The following GPR158 variants were observed in gnomAD, a reference collection of about 807,000 sequenced individuals.
GPR158 encodes G protein-coupled receptor 158.
In GPR158, 30 loss-of-function variants were observed where a neutral mutation model predicts 78.2. That is an observed-to-expected ratio of 0.38 (90% CI 0.29 to 0.52). GPR158 has a LOEUF of 0.52. Ranked by LOEUF, GPR158 falls within the 20% of genes least tolerant of loss-of-function variation. The probability of loss-of-function intolerance (pLI) is 0.83; values close to 1 mark genes in which losing one functional copy is unlikely to be tolerated. For synonymous variants in GPR158, 581 were observed against 591.1 expected, an observed-to-expected ratio of 0.98 and a Z score of 0.25; for missense variants, 1,463 against 1,523.5, an observed-to-expected ratio of 0.96 and a Z score of 0.66.
chr10:25,230,501 G>A (rs371098645), intron 2 of GPR158, among the ~76,000 whole-genome samples: 7 of 152,152 alleles, frequency 4.6e-5, no homozygotes, highest in African/African-American at 1.7e-4. Flanking sequence ...GAGAAAATTT[G>A]TATTACGAAG....
chr10:25,208,979 G>C (rs138933373), intron 1 of GPR158, among the ~76,000 whole-genome samples: 2 of 151,560 alleles, frequency 1.3e-5, no homozygotes, highest in Non-Finnish European at 2.9e-5. Flanking sequence ...CTCCCAAGAA[G>C]CTGGGACTAC....
chr10:25,556,725 G>A (rs139497717), intron 6 of GPR158, among the ~76,000 whole-genome samples: 73 of 152,254 alleles, frequency 4.8e-4, no homozygotes, highest in African/African-American at 1.6e-3. Context: ...TCTGCTAGCC[G>A]CAGAGGTGAT....
At chr10:25,395,283 AT>A (rs1331949193) in intron 2 of GPR158, among the ~76,000 whole-genome samples, 4 of 152,168 alleles carry the variant, frequency 2.6e-5, no homozygotes, top group African/African-American at 9.6e-5. Flanking sequence ...TTATATGTAT[AT>A]GTAAAACATT....
At chr10:25,351,725 T>TA (rs1158973585) in intron 2 of GPR158, among the ~76,000 whole-genome samples, 1 of 149,106 alleles carries the variant, frequency 6.7e-6, no homozygotes, top group Non-Finnish European at 1.5e-5. Context: ...TTTTTTTTTT[T>TA]AATGTTTTTT....
At chr10:25,190,576 C>T (rs1490000884) in intron 1 of GPR158, among the ~76,000 whole-genome samples, 2 of 152,154 alleles carry the variant, frequency 1.3e-5, no homozygotes, top group Admixed American at 1.3e-4. Flanking sequence ...AGCAATCCAC[C>T]CGCATCAGCC....
rs149490480 is a variant in GPR158, at chr10:25,226,826, C to T, written c.1008+5669C>T. ...TGGCCTCCCTCTAATGCATGGCCAT[C>T]GCTTTTGACCAATTGCCTAAAATAA... On this transcript the variant is annotated intron_variant, in intron 2 of 10. Coordinates refer to ENST00000376351, the MANE Select transcript of GPR158 (RefSeq NM_020752.3). 4.2e-3 allele frequency among the ~76,000 whole-genome samples: 638 copies of T among 152,262 alleles called. 5 individuals carry two copies. Among genetic ancestry groups the T allele is most frequent in the African/African-American group, 0.013 (560 of 41,566 alleles).
intron 7 of GPR158, among the ~76,000 whole-genome samples, chr10:25,576,381 T>C (rs950813097): frequency 2.0e-5 from 3 of 152,148 alleles, no homozygotes; most frequent in African/African-American, 7.2e-5. Context: ...CTACAATAGC[T>C]CTTTAGTAAC....
chr10:25,448,320 G>C (rs1835167170), intron 4 of GPR158, among the ~76,000 whole-genome samples: 1 of 151,832 alleles, frequency 6.6e-6, no homozygotes, highest in South Asian at 2.1e-4. Context: ...TCGATCTTCT[G>C]ACCTCATGAT....
chr10:25,285,355 G>T (rs1423273303), intron 2 of GPR158, among the ~76,000 whole-genome samples: 1 of 152,040 alleles, frequency 6.6e-6, no homozygotes, highest in Non-Finnish European at 1.5e-5. Context: ...TTAGTGGGGG[G>T]ATTGGCTCAT....
intron 2 of GPR158, among the ~76,000 whole-genome samples, chr10:25,247,969 C>T (rs1700748505): frequency 6.6e-6 from 1 of 150,848 alleles, no homozygotes; most frequent in Non-Finnish European, 1.5e-5. Flanking sequence ...ACATCCTCTC[C>T]AGCACCTGTT....
chr10:25,305,111 C>T (rs903691145), intron 2 of GPR158, among the ~76,000 whole-genome samples: 3 of 152,154 alleles, frequency 2.0e-5, no homozygotes, highest in Non-Finnish European at 4.4e-5. Context: ...GTTTGTTTGC[C>T]TCTATGACCC....
intron 2 of GPR158, among the ~76,000 whole-genome samples, chr10:25,338,529 C>T (rs113730162): frequency 0.3 from 23,535 of 79,008 alleles, 3,904 homozygotes; most frequent in African/African-American, 0.47. Flanking sequence ...ACGTATATTA[C>T]GTATATTATA....
At chr10:25,424,525 T>G (rs11014541) in intron 4 of GPR158, among the ~76,000 whole-genome samples, 17,950 of 150,798 alleles carry the variant, frequency 0.12, 1,042 homozygotes, top group East Asian at 0.16. Context: ...AGGTCTAACA[T>G]TTAAGTCTTT....
chr10:25,465,794 C>T (rs1161131640), intron 4 of GPR158, among the ~76,000 whole-genome samples: 1 of 152,182 alleles, frequency 6.6e-6, no homozygotes, highest in Non-Finnish European at 1.5e-5. Context: ...GAATGGCATT[C>T]AGTATGCACT....
At chr10:25,312,088 T>A (rs1854772609) in intron 2 of GPR158, among the ~76,000 whole-genome samples, 1 of 152,074 alleles carries the variant, frequency 6.6e-6, no homozygotes, top group African/African-American at 2.4e-5. Flanking sequence ...TTTTTTGTAA[T>A]GTTTTTCAGA....
intron 3 of GPR158, among the ~76,000 whole-genome samples, chr10:25,400,503 T>C (rs550358297): frequency 1.3e-5 from 2 of 152,378 alleles, no homozygotes; most frequent in African/African-American, 4.8e-5. Flanking sequence ...GAAATTGTGC[T>C]GGCAGCCCAG....
At chr10:25,226,522 A>T (rs1252176432) in intron 2 of GPR158, among the ~76,000 whole-genome samples, 2 of 152,222 alleles carry the variant, frequency 1.3e-5, no homozygotes, top group Non-Finnish European at 2.9e-5. Flanking sequence ...AGTAATGAGA[A>T]TGTTGCAAAC....
rs1324366130 is a variant in GPR158 at position 25,599,923 on chromosome 10, A to G, written c.*649A>G. The G allele has an allele frequency of 6.6e-6, 1 of 152,632 alleles. No individual in the cohort carries two copies. Among genetic ancestry groups the G allele is most frequent in the Non-Finnish European group, 1.5e-5 (1 of 68,050 alleles). The allele number at this position is 152,632 out of a possible 1,614,324, so 9.5% of individuals were successfully genotyped here. ...CAATTGTTATTGCACCTTACAGAAT[A>G]CCTGCTATCTATCAACTTTAGTTGA... On this transcript the variant is annotated 3_prime_UTR_variant, in exon 11 of 11. Coordinates refer to ENST00000376351, the MANE Select transcript of GPR158 (RefSeq NM_020752.3).
At chr10:25,369,721 T>G (rs1407479733) in intron 2 of GPR158, among the ~76,000 whole-genome samples, 1 of 151,684 alleles carries the variant, frequency 6.6e-6, no homozygotes, top group African/African-American at 2.4e-5. Context: ...TTCTGTTGAT[T>G]GGAATAGTTT....
Sources: gnomAD v4.1 joint callset for allele counts (sites outside exome capture counted in the v4.1 genomes callset) on GRCh38, gnomAD v4.1.1 for gene constraint, MANE v1.5 for transcripts, NCBI Gene and HGNC (gene_info 2026-07-23, HGNC 2026-07-21) for gene names.